Variants in XXYLT1 observed in about 807,000 individuals in gnomAD.
XXYLT1 encodes the protein UDP-xylose:alpha-xyloside alpha-1,3-xylosyltransferase.
XXYLT1 carries 20 observed loss-of-function variants against 28.9 expected under a neutral mutation model. That is an observed-to-expected ratio of 0.69 (90% CI 0.49 to 1.00). The LOEUF is 1.00. Among genes scored for constraint, XXYLT1 ranks in the 50% least tolerant of loss-of-function variants. XXYLT1 has a pLI of 0.00. For missense variants in XXYLT1, 542 were observed against 560.1 expected, an observed-to-expected ratio of 0.97 and a Z score of 0.33; for synonymous variants, 257 against 253.8, an observed-to-expected ratio of 1.01 and a Z score of -0.12.
At position 195,078,408 on chromosome 3, in the gene XXYLT1, G is replaced by A. The variant is rs920818203; in HGVS notation, c.786-8297C>T. Among the ~76,000 whole-genome samples, 3 of 152,080 alleles carry A rather than the reference G, an allele frequency of 2.0e-5. No homozygotes were observed. Among genetic ancestry groups the A allele is most frequent in the African/African-American group, 7.2e-5 (3 of 41,404 alleles). ...GGCCTTTTCTGCTGTGGGAGCTCCT[G>A]CAGAGCCACTGAGCTACACGGGCCT... On this transcript the variant is annotated intron_variant, in intron 3 of 3. Coordinates refer to ENST00000310380, the MANE Select transcript of XXYLT1 (RefSeq NM_152531.5). The surrounding 1 kb of genome is among the most constrained non-coding windows in gnomAD (Gnocchi z 5.0).
chr3:195,204,792 C>T (rs1261004199), intron 2 of XXYLT1, among the ~76,000 whole-genome samples: 1 of 152,212 alleles, frequency 6.6e-6, no homozygotes, highest in African/African-American at 2.4e-5. Context: ...GGCTAGGAAA[C>T]GCAGGGGCAG....
In XXYLT1 at chr3:195,150,831, TA is replaced by T. The variant is rs1560121741; in HGVS notation, c.785+5617del. Reference sequence around the variant, plus strand: ...ACTCACATACACACACACTCACACATACGCACACTCTCTCACACACTCTCAC... The same window carrying T: ...ACTCACATACACACACACTCACACATCGCACACTCTCTCACACACTCTCAC... On this transcript the variant is annotated intron_variant, in intron 3 of 3. Coordinates refer to ENST00000310380, the MANE Select transcript of XXYLT1 (RefSeq NM_152531.5). This position sits in a 1 kb window ranked among gnomAD's most constrained non-coding sequence, Gnocchi z 4.7. Among the ~76,000 whole-genome samples the T allele has an allele frequency of 1.5e-5, 2 of 132,192 alleles. 1 individual carries two copies. The highest frequency in any genetic ancestry group is 6.2e-5 in the African/African-American group (2 of 32,296). The allele number at this position is 132,192 out of a possible 152,430, so 86.7% of individuals were successfully genotyped here. A position where few individuals can be genotyped will look rare whatever the true frequency, so the allele number is the denominator to read the frequency against.
intron 2 of XXYLT1, among the ~76,000 whole-genome samples, chr3:195,226,405 A>C (rs1304091776): frequency 6.6e-6 from 1 of 152,156 alleles, no homozygotes; most frequent in East Asian, 1.9e-4. Flanking sequence ...GAGCAAACAA[A>C]GTATGGGGGT....
At chr3:195,179,086 A>G (rs1006314231) in intron 2 of XXYLT1, among the ~76,000 whole-genome samples, 2 of 152,078 alleles carry the variant, frequency 1.3e-5, no homozygotes, top group African/African-American at 2.4e-5. Context: ...TCACGCCTGT[A>G]ATCCCAGCAC....
At chr3:195,214,566 T>A (rs1004809042) in intron 2 of XXYLT1, among the ~76,000 whole-genome samples, 5 of 152,146 alleles carry the variant, frequency 3.3e-5, no homozygotes, top group Non-Finnish European at 7.4e-5. Flanking sequence ...GAAAACCATC[T>A]ACATACGGCA....
chr3:195,252,594 G>A (rs1725299715), intron 1 of XXYLT1, among the ~76,000 whole-genome samples: 2 of 151,954 alleles, frequency 1.3e-5, no homozygotes, highest in South Asian at 2.1e-4. Context: ...ATCTTCACAT[G>A]TGTTAATTTG....
At chr3:195,267,926 G>A (rs1048467518) in intron 1 of XXYLT1, among the ~76,000 whole-genome samples, 2 of 151,996 alleles carry the variant, frequency 1.3e-5, no homozygotes, top group Admixed American at 6.6e-5. Context: ...TTTTAGAATC[G>A]CACATTTAAA....
rs1560154007 is a variant in XXYLT1, at chr3:195,210,689, G to A, written c.652+16020C>T. 1.3e-5 allele frequency among the ~76,000 whole-genome samples: 2 copies of A among 152,190 alleles called. No individual in the cohort carries two copies. Among genetic ancestry groups the A allele is most frequent in the African/African-American group, 4.8e-5 (2 of 41,450 alleles). ...ATTTTTAGCATTTTATGACAAATTTGCTCAGCTGTCCCTCTTCAGAATAAG... is the reference window on the plus strand; with the variant it reads ...ATTTTTAGCATTTTATGACAAATTTACTCAGCTGTCCCTCTTCAGAATAAG... On this transcript the variant is annotated intron_variant, in intron 2 of 3. Transcript: ENST00000310380. The surrounding 1 kb of genome is among the most constrained non-coding windows in gnomAD (Gnocchi z 4.8).
At chr3:195,110,453 G>GTGAGGTGTGT (rs1717565131) in intron 3 of XXYLT1, among the ~76,000 whole-genome samples, 1 of 139,054 alleles carries the variant, frequency 7.2e-6, no homozygotes. Flanking sequence ...GGTGTAAAGT[G>GTGAGGTGTGT]TGTGTGGTGT....
At chr3:195,121,075 C>A (rs748101290) in intron 3 of XXYLT1, among the ~76,000 whole-genome samples, 11 of 152,196 alleles carry the variant, frequency 7.2e-5, no homozygotes, top group Non-Finnish European at 1.5e-4. Context: ...TCCGTGAGCA[C>A]CCCCATGCTC....
chr3:195,104,320 T>C (rs770467205), intron 3 of XXYLT1, among the ~76,000 whole-genome samples: 67 of 151,378 alleles, frequency 4.4e-4, no homozygotes, highest in Admixed American at 5.3e-4. Flanking sequence ...GAAGAAGTGG[T>C]TCAAAGACAA....
intron 1 of XXYLT1, among the ~76,000 whole-genome samples, chr3:195,232,043 T>G (rs957327126): frequency 6.6e-6 from 1 of 152,160 alleles, no homozygotes. Context: ...GGAGACTTAT[T>G]ATGGCTTTGA....
chr3:195,249,127 G>C (rs1246632596), intron 1 of XXYLT1, among the ~76,000 whole-genome samples: 1 of 152,126 alleles, frequency 6.6e-6, no homozygotes, highest in African/African-American at 2.4e-5. Context: ...GCCTCCTTTT[G>C]TGGGTGAGAC....
At chr3:195,082,498 C>T (rs142308909) in intron 3 of XXYLT1, among the ~76,000 whole-genome samples, 3 of 152,250 alleles carry the variant, frequency 2.0e-5, no homozygotes, top group East Asian at 1.9e-4. Context: ...TCAGGCATTT[C>T]GGCATAAACA....
intron 3 of XXYLT1, among the ~76,000 whole-genome samples, chr3:195,134,881 G>A (rs1287987995): frequency 3.5e-5 from 5 of 144,382 alleles, no homozygotes; most frequent in Admixed American, 2.1e-4. Flanking sequence ...GTGTGCGCGC[G>A]TGCGCGCACG....
At chr3:195,194,004 T>C (rs935990028) in intron 2 of XXYLT1, among the ~76,000 whole-genome samples, 5 of 151,984 alleles carry the variant, frequency 3.3e-5, no homozygotes, top group African/African-American at 1.2e-4. Context: ...AGGCAAAGAA[T>C]TCTTAGATAA....
In XXYLT1 at chr3:195,069,481, T is replaced by G; in HGVS notation, c.*234A>C. Reference sequence around the variant, plus strand: ...CCAGCCCACTGGACATGCGTGTCCTTTGTGTCGCCTGCTCCCTGGAGGAAT... The same window carrying G: ...CCAGCCCACTGGACATGCGTGTCCTGTGTGTCGCCTGCTCCCTGGAGGAAT... On this transcript the variant is annotated 3_prime_UTR_variant, in exon 4 of 4. Coordinates refer to ENST00000310380, the MANE Select transcript of XXYLT1 (RefSeq NM_152531.5). 2 of 555,012 alleles carry G rather than the reference T, an allele frequency of 3.6e-6. No homozygotes were observed. The highest frequency in any genetic ancestry group is 3.1e-6 in the Non-Finnish European group (1 of 320,044). The allele number at this position is 555,012 out of a possible 1,614,324, so 34.4% of individuals were successfully genotyped here. A position where few individuals can be genotyped will look rare whatever the true frequency, so the allele number is the denominator to read the frequency against.
At chr3:195,263,193 T>C (rs540943729) in intron 1 of XXYLT1, among the ~76,000 whole-genome samples, 74 of 152,364 alleles carry the variant, frequency 4.9e-4, no homozygotes, top group Non-Finnish European at 7.5e-4. Context: ...AGGTTTGCTC[T>C]TGCACTCAAA....
At chr3:195,107,548 AGGGGGAAGAGGGGGAG>A (rs1560098236) in intron 3 of XXYLT1, among the ~76,000 whole-genome samples, 928 of 9,780 alleles carry the variant, frequency 0.095, 208 homozygotes, top group African/African-American at 0.16. Flanking sequence ...GGGGAGGAGG[AGGGGGAAGAGGGGGAG>A]AGGAGGAGGG....
Sources: allele counts gnomAD v4.1 joint callset (sites outside exome capture counted in the v4.1 genomes callset), GRCh38; gene constraint gnomAD v4.1.1; non-coding constraint Gnocchi (gnomAD v3.1); transcripts MANE v1.5; gene names NCBI Gene and HGNC (gene_info 2026-07-23, HGNC 2026-07-21).